Variants in RAP1B observed in about 807,000 individuals in gnomAD.
RAP1B encodes the protein ras-related protein Rap-1b.
RAP1B carries 1 observed loss-of-function variant against 27.5 expected under a neutral mutation model. The ratio of observed to expected loss-of-function variants is 0.04; its 90% confidence interval spans 0.01 to 0.17. The LOEUF is 0.17. Among genes scored for constraint, RAP1B ranks in the 10% least tolerant of loss-of-function variants. The probability of loss-of-function intolerance (pLI) is 1.00; values close to 1 mark genes in which losing one functional copy is unlikely to be tolerated. For synonymous variants in RAP1B, 75 were observed against 73.1 expected (o/e 1.03, Z -0.13); for missense variants, 84 against 214.8 (o/e 0.39, Z 3.81).
intron 1 of RAP1B, among the ~76,000 whole-genome samples, chr12:68,629,712 T>C (rs1337298209): frequency 6.6e-6 from 1 of 152,176 alleles, no homozygotes. Context: ...ACTCAATCTG[T>C]TAACTAAGTG....
chr12:68,643,487 G>C (rs1408032438), intron 1 of RAP1B, among the ~76,000 whole-genome samples: 1 of 152,086 alleles, frequency 6.6e-6, no homozygotes. Flanking sequence ...ATTTAATGTT[G>C]TAATTTTCAG....
chr12:68,653,964 A>C, intron 4 of RAP1B, 148 bp from the exon 5 acceptor site: 1 of 727,232 alleles, frequency 1.4e-6, no homozygotes, highest in South Asian at 2.2e-5. Flanking sequence ...CAATTTTTTC[A>C]AATAGTATCT....
intron 1 of RAP1B, among the ~76,000 whole-genome samples, chr12:68,614,783 G>A (rs1237134903): frequency 6.6e-6 from 1 of 152,176 alleles, no homozygotes; most frequent in Non-Finnish European, 1.5e-5. Flanking sequence ...ACTGTACCAT[G>A]GCTCTGGAAG....
In RAP1B at chr12:68,622,608, A is replaced by G. The variant is rs1164963596; in HGVS notation, c.-27+11565A>G. 2.0e-5 allele frequency among the ~76,000 whole-genome samples: 3 copies of G among 152,168 alleles called. No homozygotes were observed. The East Asian group carries it at 5.8e-4, about 29-fold the overall frequency. On this transcript the variant is annotated intron_variant, in intron 1 of 7. Transcript: ENST00000250559. ...CAGAGTTTTTTCCTGATCACCTTAT[A>G]TAAAGGAGCATTCCTCTTCATTACC...
At chr12:68,615,904 G>A (rs926040425) in intron 1 of RAP1B, among the ~76,000 whole-genome samples, 1 of 151,684 alleles carries the variant, frequency 6.6e-6, no homozygotes, top group East Asian at 1.9e-4. Flanking sequence ...GTTTTTAACT[G>A]TTGTGCAGAT....
intron 1 of RAP1B, chr12:68,627,064 C>T: frequency 6.3e-7 from 1 of 1,593,740 alleles, no homozygotes; most frequent in South Asian, 1.1e-5. Context: ...CTGCGCAGGG[C>T]CTCAATCACA....
rs548462894 is a variant in RAP1B at position 68,663,804 on chromosome 12, A to G, written c.*4555A>G. 2.0e-4 allele frequency: 30 copies of G among 152,292 alleles called. No homozygotes were observed. The highest frequency in any genetic ancestry group is 6.7e-4 in the African/African-American group (28 of 41,570). 9.4% of individuals were successfully genotyped at this position (152,292 alleles called of 1,614,324 possible). A position where few individuals can be genotyped will look rare whatever the true frequency, so the allele number is the denominator to read the frequency against. On this transcript the variant is annotated 3_prime_UTR_variant, in exon 8 of 8. Coordinates refer to ENST00000250559, the MANE Select transcript of RAP1B (RefSeq NM_001010942.3). ...TACCGTGTTTCAGGCGCTGTTTACAATATCGGAGGTACAGCAGGGATTTTC... is the reference window on the plus strand; with the variant it reads ...TACCGTGTTTCAGGCGCTGTTTACAGTATCGGAGGTACAGCAGGGATTTTC...
chr12:68,638,069 A>G (rs1303057460), intron 1 of RAP1B, among the ~76,000 whole-genome samples: 3 of 152,158 alleles, frequency 2.0e-5, no homozygotes, highest in Non-Finnish European at 4.4e-5. Context: ...TTTATCCTGG[A>G]TAGGATTAAA....
intron 4 of RAP1B, among the ~76,000 whole-genome samples, chr12:68,652,589 T>C (rs1173423215): frequency 1.3e-5 from 2 of 151,320 alleles, no homozygotes; most frequent in Non-Finnish European, 2.9e-5. Context: ...CCAAGGTGGG[T>C]GGATCACTTA....
chr12:68,654,358 G>GC lies in RAP1B; in HGVS notation c.324+106_324+107insC, dbSNP rs148974494. 3.8e-4 allele frequency: 169 copies of GC among 442,550 alleles called. 22 individuals carry two copies. The highest frequency in any genetic ancestry group is 4.6e-4 in the Non-Finnish European group (133 of 288,676). 27.4% of individuals were successfully genotyped at this position (442,550 alleles called of 1,614,324 possible). ...AAGCTTGTGTATTTTGGTTGGGGGG[G>GC]GGGTGTTGGTTTTTTTAAACTTTTT... On this transcript the variant is annotated intron_variant, in intron 5 of 7. Transcript: ENST00000250559.
chr12:68,644,776 C>T (rs757798895), intron 1 of RAP1B, among the ~76,000 whole-genome samples: 1 of 148,634 alleles, frequency 6.7e-6, no homozygotes, highest in Non-Finnish European at 1.5e-5. Context: ...GCAACCTCCA[C>T]CTCCTGGGTT....
Position 68,610,961 on chromosome 12 carries a change from A to C in RAP1B, c.-109A>C, listed in dbSNP as rs1200872774. On this transcript the variant is annotated 5_prime_UTR_variant, in exon 1 of 8. Coordinates refer to ENST00000250559, the MANE Select transcript of RAP1B (RefSeq NM_001010942.3). ...CCAGCCGGAGCGGCGCGGCAGCGGC[A>C]GGACCGCCGTGGCGCCTAGAGTAGC... 6.4e-6 allele frequency: 2 copies of C among 311,800 alleles called. No homozygotes were observed. The highest frequency in any genetic ancestry group is 2.2e-5 in the African/African-American group (1 of 45,138). The allele number at this position is 311,800 out of a possible 1,614,324, so 19.3% of individuals were successfully genotyped here.
chr12:68,629,804 TAGAC>T (rs1373127124), intron 1 of RAP1B, among the ~76,000 whole-genome samples: 1 of 152,206 alleles, frequency 6.6e-6, no homozygotes, highest in African/African-American at 2.4e-5. Flanking sequence ...TTGGTTTTGG[TAGAC>T]AGACTTCAGC....
At chr12:68,626,665 T>C (rs1186604205) in intron 1 of RAP1B, among the ~76,000 whole-genome samples, 1 of 152,156 alleles carries the variant, frequency 6.6e-6, no homozygotes, top group Non-Finnish European at 1.5e-5. Context: ...AAATTTATTT[T>C]ATAGGCAAAA....
chr12:68,611,674 G>GA (rs968979579), intron 1 of RAP1B, among the ~76,000 whole-genome samples: 1 of 152,160 alleles, frequency 6.6e-6, no homozygotes, highest in African/African-American at 2.4e-5. Flanking sequence ...GTGGCAGGAG[G>GA]AAGGCAGCGG....
chr12:68,651,024 T>C (rs1165775464), intron 3 of RAP1B: 1 of 152,244 alleles, frequency 6.6e-6, no homozygotes, highest in Non-Finnish European at 1.5e-5. Context: ...ACACATAATC[T>C]TACATAATAT....
intron 1 of RAP1B, chr12:68,640,920 A>G (rs1416817023): frequency 6.6e-6 from 1 of 152,218 alleles, no homozygotes; most frequent in Non-Finnish European, 1.5e-5. Flanking sequence ...TATAGCATTC[A>G]TTATTGTTTT....
At chr12:68,613,687 A>C (rs1220931829) in intron 1 of RAP1B, among the ~76,000 whole-genome samples, 1 of 152,190 alleles carries the variant, frequency 6.6e-6, no homozygotes, top group Non-Finnish European at 1.5e-5. Context: ...TCTTCACAGT[A>C]ATCTTCCTAG....
At chr12:68,621,262 T>G (rs1217682755) in intron 1 of RAP1B, among the ~76,000 whole-genome samples, 2 of 152,036 alleles carry the variant, frequency 1.3e-5, no homozygotes, top group Non-Finnish European at 2.9e-5. Flanking sequence ...AATAATTAAC[T>G]GGTCTGCTGT....
Sources: gnomAD v4.1 joint callset for allele counts (sites outside exome capture counted in the v4.1 genomes callset) on GRCh38, gnomAD v4.1.1 for gene constraint, MANE v1.5 for transcripts, NCBI Gene and HGNC (gene_info 2026-07-23, HGNC 2026-07-21) for gene names.